Variants in MDGA1 observed in about 807,000 individuals in gnomAD.
MDGA1 encodes MAM domain-containing glycosylphosphatidylinositol anchor protein 1.
MDGA1 carries 54 observed loss-of-function variants against 101.5 expected under a neutral mutation model. The observed-to-expected ratio is 0.53, with a 90% confidence interval of 0.43 to 0.67. MDGA1 has a LOEUF of 0.67. Ranked by LOEUF, MDGA1 falls within the 30% of genes least tolerant of loss-of-function variation. The probability of loss-of-function intolerance (pLI) is 0.00; values close to 1 mark genes in which losing one functional copy is unlikely to be tolerated. For synonymous variants in MDGA1, 533 were observed against 558.3 expected (o/e 0.95, Z 0.64); for missense variants, 1,083 against 1,323.8 (o/e 0.82, Z 2.82).
At chr6:37,667,617 C>G (rs1761781404) in intron 1 of MDGA1, among the ~76,000 whole-genome samples, 1 of 152,154 alleles carries the variant, frequency 6.6e-6, no homozygotes, top group East Asian at 1.9e-4. Flanking sequence ...AACAACCCAC[C>G]AAAAGATGAT....
rs1761441417 is a variant in MDGA1 at position 37,654,655 on chromosome 6, G to GAAGCATC, written c.713-113_713-112insGATGCTT. ...CTGGAGAAGCCCTCAGGGGAGATGA[G>GAAGCATC]AGGGGAGAAGACGGAGCAGGAAGAG... On this transcript the variant is annotated intron_variant, in intron 5 of 16. Transcript: ENST00000434837. The GAAGCATC allele has an allele frequency of 1.8e-5, 28 of 1,554,186 alleles. 1 individual carries two copies. In the South Asian group the frequency reaches 2.8e-4, roughly 15 times the overall value.
In MDGA1 at chr6:37,649,159, C is replaced by A; in HGVS notation, c.1717G>T (p.Ala573Ser). ...AGCTGCCCTTTGAAACGCCACACAG[C>A]CGAGGCGATGCGCTGGGGGCTGCCT... Reference protein sequence around the residue: ...LRGSPQRIASAVWRFKGQLLP... With the variant: ...LRGSPQRIASSVWRFKGQLLP... Residue 573 changes from alanine (A) to serine (S), a missense_variant, in exon 9 of 17, where the codon GCT (alanine) becomes TCT (serine). By Grantham distance (99) the Ala-to-Ser change is moderately conservative. Transcript: ENST00000434837. 6.6e-7 allele frequency: 1 copy of A among 1,504,148 alleles called. No individual in the cohort carries two copies. The highest frequency in any genetic ancestry group is 8.8e-7 in the Non-Finnish European group (1 of 1,133,646). The allele number at this position is 1,504,148 out of a possible 1,614,324, so 93.2% of individuals were successfully genotyped here. A position where few individuals can be genotyped will look rare whatever the true frequency, so the allele number is the denominator to read the frequency against.
At chr6:37,669,015 T>G (rs762551412) in intron 1 of MDGA1, among the ~76,000 whole-genome samples, 2 of 152,008 alleles carry the variant, frequency 1.3e-5, no homozygotes, top group Non-Finnish European at 1.5e-5. Context: ...GCCCAGGTAA[T>G]TTTTGTATTT....
At chr6:37,647,413 G>C in intron 9 of MDGA1, 89 bp from the exon 10 acceptor site, 1 of 808,798 alleles carries the variant, frequency 1.2e-6, no homozygotes, top group Non-Finnish European at 1.9e-6. Context: ...ACAAGAGGAT[G>C]AGGTGGAAAA....
At chr6:37,648,764 G>A in intron 9 of MDGA1, 1 of 835,382 alleles carries the variant, frequency 1.2e-6, no homozygotes, top group Non-Finnish European at 1.8e-6. Context: ...CACCTGGAGG[G>A]CGGGGCTGGG....
rs1346863518 is a variant in MDGA1 at position 37,652,782 on chromosome 6, CTTTGTT to C, written c.983-448_983-443del. Among the ~76,000 whole-genome samples the C allele has an allele frequency of 6.6e-6, 1 of 152,194 alleles. No homozygotes were observed. The highest frequency in any genetic ancestry group is 1.5e-5 in the Non-Finnish European group (1 of 68,030). ...GTCTGAGCTCTTGACCCCTACAATG[CTTTGTT>C]TTTATCATTGTTTTAAACTTTAAAT... On this transcript the variant is annotated intron_variant, in intron 6 of 16. Coordinates refer to ENST00000434837, the MANE Select transcript of MDGA1 (RefSeq NM_153487.4). This position sits in a 1 kb window ranked among gnomAD's most constrained non-coding sequence, Gnocchi z 4.3.
At position 37,664,082 on chromosome 6, in the gene MDGA1, T is replaced by A. The variant is rs1469607954; in HGVS notation, c.92A>T (p.His31Leu). ...TTTCACCACACATGCCTGGCCCGCA[T>A]GCACGATCTGCGCCTGGGCTGGAGC... ...VYAPAQAQIV[H>L]AGQACVVKED... Residue 31 changes from histidine (H) to leucine (L), a missense_variant, in exon 2 of 17, where the codon CAT becomes CTT. Physicochemically the swap from His to Leu is moderately conservative, Grantham distance 99 (BLOSUM62 -3). Coordinates refer to ENST00000434837, the MANE Select transcript of MDGA1 (RefSeq NM_153487.4). 6.2e-7 allele frequency: 1 copy of A among 1,613,870 alleles called. No individual in the cohort carries two copies. The highest frequency in any genetic ancestry group is 8.5e-7 in the Non-Finnish European group (1 of 1,179,868).
At position 37,654,605 on chromosome 6, in the gene MDGA1, T is replaced by G. The variant is rs1376787536; in HGVS notation, c.713-62A>C. The stretch of plus-strand genomic sequence containing the variant: ...AGGCAGGGCTGGATGTTGGGGAGAG[T>G]AAGGGGCTAGGAAAACCATAGAGGC... On this transcript the variant is annotated intron_variant, in intron 5 of 16. Coordinates refer to ENST00000434837, the MANE Select transcript of MDGA1 (RefSeq NM_153487.4). 5.6e-6 allele frequency: 9 copies of G among 1,605,742 alleles called. No individual in the cohort carries two copies. In the African/African-American group the frequency reaches 1.2e-4, roughly 22 times the overall value.
At position 37,683,759 on chromosome 6, in the gene MDGA1, T is replaced by C. The variant is rs1762142743; in HGVS notation, c.67+12986A>G. Among the ~76,000 whole-genome samples the C allele has an allele frequency of 2.0e-5, 3 of 152,254 alleles. No individual in the cohort carries two copies. In the South Asian group the frequency reaches 6.2e-4, roughly 31 times the overall value. On this transcript the variant is annotated intron_variant, in intron 1 of 16. Coordinates refer to ENST00000434837, the MANE Select transcript of MDGA1 (RefSeq NM_153487.4). ...TGTAACTGACTTGATAAGGCATCTT[T>C]CACTGGCTTCCTTTGCTTCCCTGTC...
chr6:37,671,810 C>T (rs746458494), intron 1 of MDGA1, among the ~76,000 whole-genome samples: 16 of 152,190 alleles, frequency 1.1e-4, no homozygotes, highest in Non-Finnish European at 2.4e-4. Context: ...GTGGATACAA[C>T]ACTAGGGTGA....
rs111431657 is a variant in MDGA1, at chr6:37,660,457, C to G, written c.208-2038G>C. 9.1e-3 allele frequency among the ~76,000 whole-genome samples: 1,378 copies of G among 152,262 alleles called. 14 individuals carry two copies. The highest frequency in any genetic ancestry group is 0.048 in the South Asian group (233 of 4,824). On this transcript the variant is annotated intron_variant, in intron 2 of 16. Transcript: ENST00000434837. ...CTCCTGTCTCTTTGTCTTCCCTGGACTCCATTGGAAATGCATGGCTGATTT... is the reference window on the plus strand; with the variant it reads ...CTCCTGTCTCTTTGTCTTCCCTGGAGTCCATTGGAAATGCATGGCTGATTT...
chr6:37,658,210 G>C, intron 3 of MDGA1, 35 bp downstream of exon 3: 1 of 1,527,496 alleles, frequency 6.5e-7, no homozygotes, highest in Non-Finnish European at 8.8e-7. Flanking sequence ...GGGCTGGGCT[G>C]TCAGGGCCCG....
At chr6:37,642,864 T>C (rs1764123053) in intron 14 of MDGA1, among the ~76,000 whole-genome samples, 1 of 152,206 alleles carries the variant, frequency 6.6e-6, no homozygotes, top group Non-Finnish European at 1.5e-5. Flanking sequence ...CCTCGTTCAC[T>C]ACAGCACCTG....
Position 37,655,841 on chromosome 6 carries a change from G to C in MDGA1, c.438C>G (p.Asn146Lys). 2 of 1,613,750 alleles carry C rather than the reference G, an allele frequency of 1.2e-6. No homozygotes were observed. Among genetic ancestry groups the C allele is most frequent in the Non-Finnish European group, 1.7e-6 (2 of 1,179,796 alleles). The stretch of plus-strand genomic sequence containing the variant: ...GGAACACCGTCTTCTCCTGGTAGAA[G>C]TTGCCTCGCACATCGCTCACCGTCT... ...VHQTVSDVRG[N>K]FYQEKTVFLR... The change falls in exon 4 of 17, where the codon AAC (asparagine) becomes AAG (lysine). Residue 146 changes from asparagine to lysine, a missense_variant. By Grantham distance (94) the Asn-to-Lys change is moderately conservative. Coordinates refer to ENST00000434837, the MANE Select transcript of MDGA1 (RefSeq NM_153487.4). This position sits in a 1 kb window ranked among gnomAD's most constrained non-coding sequence, Gnocchi z 5.1.
chr6:37,678,267 T>TCCCACAC (rs1762023093), intron 1 of MDGA1, among the ~76,000 whole-genome samples: 1 of 152,098 alleles, frequency 6.6e-6, no homozygotes, highest in African/African-American at 2.4e-5. Flanking sequence ...TTTCTCCTCC[T>TCCCACAC]CCCACACCCC....
Position 37,640,724 on chromosome 6 carries a change from G to C in MDGA1, c.2537-2057C>G, listed in dbSNP as rs141954355. Among the ~76,000 whole-genome samples, 937 of 152,272 alleles carry C rather than the reference G, an allele frequency of 6.2e-3. 2 individuals carry two copies. The highest frequency in any genetic ancestry group is 9.1e-3 in the Non-Finnish European group (620 of 68,022). ...TGGAGCTGATGGGGTGCTGAGGGGAGGGGACGGTGAAAAAGCAGCCTTCCC... is the reference window on the plus strand; with the variant it reads ...TGGAGCTGATGGGGTGCTGAGGGGACGGGACGGTGAAAAAGCAGCCTTCCC... On this transcript the variant is annotated intron_variant, in intron 14 of 16. Coordinates refer to ENST00000434837, the MANE Select transcript of MDGA1 (RefSeq NM_153487.4).
At chr6:37,683,745 T>C (rs1762142586) in intron 1 of MDGA1, among the ~76,000 whole-genome samples, 1 of 152,248 alleles carries the variant, frequency 6.6e-6, no homozygotes, top group South Asian at 2.1e-4. Context: ...GTAACTGACT[T>C]GATAAGGCAT....
intron 1 of MDGA1, among the ~76,000 whole-genome samples, chr6:37,665,732 C>T (rs4083720): frequency 0.71 from 107,246 of 152,040 alleles, 38,217 homozygotes; most frequent in Non-Finnish European, 0.76. Context: ...AGGCTGCCCA[C>T]TAAGTGCCTT....
rs778955475 is a variant in MDGA1, at chr6:37,654,311, G to A, written c.945C>T (p.Gly315=). 1.3e-6 allele frequency: 2 copies of A among 1,581,636 alleles called. No individual in the cohort carries two copies. The highest frequency in any genetic ancestry group is 1.8e-5 in the Admixed American group (1 of 56,500). The change falls in exon 6 of 17, where the codon GGC becomes GGT. Residue 315 remains glycine (G), a synonymous_variant. Transcript: ENST00000434837. ...YYNCTATNNV[G]NPAKKTVNLL... ...GGTTGACAGTCTTCTTGGCAGGGTT[G>A]CCCACATTGTTGGTGGCTGTGCAGT... is the stretch of plus-strand genomic sequence containing the variant.
Sources: allele counts gnomAD v4.1 joint callset (sites outside exome capture counted in the v4.1 genomes callset), GRCh38; gene constraint gnomAD v4.1.1; non-coding constraint Gnocchi (gnomAD v3.1); transcripts MANE v1.5; gene names NCBI Gene and HGNC (gene_info 2026-07-23, HGNC 2026-07-21).